Variants in PLCB1 observed in about 807,000 individuals in gnomAD.
PLCB1 encodes phospholipase C beta 1, also known as 1-phosphatidylinositol 4,5-bisphosphate phosphodiesterase beta-1.
A neutral mutation model predicts 161.8 loss-of-function variants in PLCB1; 46 were observed. The ratio of observed to expected loss-of-function variants is 0.28; its 90% CI spans 0.22 to 0.36. The LOEUF (loss-of-function observed/expected upper bound fraction) is 0.36. Ranked by LOEUF, PLCB1 falls within the 10% of genes least tolerant of loss-of-function variation. The probability of loss-of-function intolerance (pLI) is 1.00; values close to 1 mark genes in which losing one functional copy is unlikely to be tolerated. For synonymous variants in PLCB1, 517 were observed against 503.7 expected, an observed-to-expected ratio of 1.03 and a Z score of -0.35; for missense variants, 1,016 against 1,472.5, an observed-to-expected ratio of 0.69 and a Z score of 5.07.
At chr20:8,558,557 T>C (rs1986040811) in intron 3 of PLCB1, among the ~76,000 whole-genome samples, 1 of 151,376 alleles carries the variant, frequency 6.6e-6, no homozygotes, top group Non-Finnish European at 1.5e-5. Context: ...TCAAAGTTGA[T>C]AAAAGGCATA....
chr20:8,414,116 T>G (rs910210747), intron 3 of PLCB1, among the ~76,000 whole-genome samples: 1 of 151,924 alleles, frequency 6.6e-6, no homozygotes, highest in Non-Finnish European at 1.5e-5. Flanking sequence ...CATTGAAAGG[T>G]AGATTGGAAG....
intron 3 of PLCB1, among the ~76,000 whole-genome samples, chr20:8,565,568 AAAAG>A (rs1179152311): frequency 3.3e-5 from 5 of 151,798 alleles, no homozygotes. Flanking sequence ...AAAAATAAAA[AAAAG>A]AAAGTGGGTC....
chr20:8,207,329 C>T (rs889174043), intron 2 of PLCB1, among the ~76,000 whole-genome samples: 8 of 152,052 alleles, frequency 5.3e-5, no homozygotes, highest in Admixed American at 1.3e-4. Context: ...TTATATTATA[C>T]GGAACAATGC....
At position 8,556,266 on chromosome 20, in the gene PLCB1, A is replaced by G. The variant is rs550674438; in HGVS notation, c.247-72028A>G. ...GTCTGTTTTGACCTGAAGAGTCCCT[A>G]AAAGTACTTGCCTTCGTTTTACCTA... On this transcript the variant is annotated intron_variant, in intron 3 of 31. Coordinates refer to ENST00000338037, the MANE Select transcript of PLCB1 (RefSeq NM_015192.4). Among the ~76,000 whole-genome samples, 5 of 152,114 alleles carry G rather than the reference A, an allele frequency of 3.3e-5. No homozygotes were observed. In the South Asian group the frequency reaches 1.0e-3, roughly 31 times the overall value.
At chr20:8,297,280 G>A (rs557866437) in intron 2 of PLCB1, among the ~76,000 whole-genome samples, 24 of 152,180 alleles carry the variant, frequency 1.6e-4, no homozygotes, top group African/African-American at 5.8e-4. Flanking sequence ...TTGCGGATAA[G>A]ATGGACCTAG....
chr20:8,385,760 G>A (rs1182233090), intron 3 of PLCB1, among the ~76,000 whole-genome samples: 1 of 152,196 alleles, frequency 6.6e-6, no homozygotes, highest in African/African-American at 2.4e-5. Flanking sequence ...GGGGGGTGAG[G>A]GCTCCCCTCT....
intron 2 of PLCB1, among the ~76,000 whole-genome samples, chr20:8,193,382 A>G (rs1393874366): frequency 2.0e-5 from 3 of 151,974 alleles, no homozygotes; most frequent in African/African-American, 7.2e-5. Flanking sequence ...GCCATAGAAT[A>G]CTATGCAGCT....
chr20:8,295,284 C>T (rs1203938041), intron 2 of PLCB1, among the ~76,000 whole-genome samples: 1 of 152,076 alleles, frequency 6.6e-6, no homozygotes, highest in East Asian at 1.9e-4. Context: ...TGACAGAATA[C>T]ACACAAATGT....
intron 3 of PLCB1, among the ~76,000 whole-genome samples, chr20:8,411,178 G>T (rs780114990): frequency 2.8e-4 from 43 of 152,138 alleles, no homozygotes; most frequent in Admixed American, 3.9e-4. Flanking sequence ...AATGTAGCTG[G>T]TCCACACTGG....
At chr20:8,377,653 G>GTAT (rs993209679) in intron 3 of PLCB1, among the ~76,000 whole-genome samples, 1 of 152,150 alleles carries the variant, frequency 6.6e-6, no homozygotes, top group Non-Finnish European at 1.5e-5. Context: ...GTTTGATAAT[G>GTAT]TATTGGATGT....
chr20:8,686,093 T>C (rs575913535), intron 10 of PLCB1, among the ~76,000 whole-genome samples: 150 of 152,344 alleles, frequency 9.8e-4, no homozygotes, highest in Non-Finnish European at 1.6e-3. Flanking sequence ...TGTGATAATT[T>C]GCAACAATTG....
In PLCB1 at chr20:8,395,221, A is replaced by G. The variant is rs567166831; in HGVS notation, c.246+23771A>G. 1.4e-4 allele frequency among the ~76,000 whole-genome samples: 21 copies of G among 152,216 alleles called. 2 individuals carry two copies. The highest frequency in any genetic ancestry group is 6.8e-3 in the Middle Eastern group (2 of 292). ...CTATTGACTTTATTATTTTTGCCAT[A>G]GATAAATCTCTACTGTCGAAAGCAG... On this transcript the variant is annotated intron_variant, in intron 3 of 31. Coordinates refer to ENST00000338037, the MANE Select transcript of PLCB1 (RefSeq NM_015192.4).
chr20:8,679,288 G>T (rs1173946094), intron 9 of PLCB1, among the ~76,000 whole-genome samples: 2 of 152,092 alleles, frequency 1.3e-5, no homozygotes, highest in African/African-American at 4.8e-5. Context: ...ATAGATAAAG[G>T]GATCCGAACC....
chr20:8,342,730 C>T (rs1985854795), intron 2 of PLCB1, among the ~76,000 whole-genome samples: 1 of 152,182 alleles, frequency 6.6e-6, no homozygotes, highest in Non-Finnish European at 1.5e-5. Flanking sequence ...GTCCTCACGG[C>T]ACCCTTGTCT....
intron 10 of PLCB1, among the ~76,000 whole-genome samples, chr20:8,696,803 G>C (rs924091586): frequency 6.6e-6 from 1 of 151,852 alleles, no homozygotes; most frequent in Non-Finnish European, 1.5e-5. Context: ...GCACCATCTC[G>C]GCTCACTGCA....
At chr20:8,687,006 A>G (rs1990374597) in intron 10 of PLCB1, among the ~76,000 whole-genome samples, 1 of 132,346 alleles carries the variant, frequency 7.6e-6, no homozygotes, top group African/African-American at 2.9e-5. Flanking sequence ...TTCTACTTCT[A>G]CCTACCAATT....
At chr20:8,620,330 A>G (rs550404635) in intron 3 of PLCB1, among the ~76,000 whole-genome samples, 5 of 152,052 alleles carry the variant, frequency 3.3e-5, no homozygotes, top group Non-Finnish European at 5.9e-5. Flanking sequence ...TTTTAAGGGG[A>G]CACTACTATT....
At chr20:8,651,677 A>G (rs577195174) in intron 7 of PLCB1, 1 of 534,512 alleles carries the variant, frequency 1.9e-6, no homozygotes, top group Admixed American at 3.2e-5. Context: ...TTTCAAGGAC[A>G]ATAGAGTCTT....
chr20:8,765,074 GCTCTTCTTTCCATCTGGATGTTCAGCC>G lies in PLCB1; in HGVS notation c.2711-61_2711-35del, dbSNP rs1982245754. The G allele has an allele frequency of 9.5e-6, 12 of 1,259,948 alleles. No individual in the cohort carries two copies. The East Asian group carries it at 2.8e-4, about 29-fold the overall frequency. The allele number at this position is 1,259,948 out of a possible 1,614,324, so 78.0% of individuals were successfully genotyped here. On this transcript the variant is annotated intron_variant, in intron 25 of 31. Transcript: ENST00000338037. ...ACCATTTCTTCCTAAGAAGGTAGCC[GCTCTTCTTTCCATCTGGATGTTCAGCC>G]CTCCCATTCCCTTAGCTTTCATATT... is the stretch of plus-strand genomic sequence containing the variant.
Sources: allele counts gnomAD v4.1 joint callset (sites outside exome capture counted in the v4.1 genomes callset), GRCh38; gene constraint gnomAD v4.1.1; transcripts MANE v1.5; gene names NCBI Gene and HGNC (gene_info 2026-07-23, HGNC 2026-07-21).